Variants in FRMD4A observed in about 807,000 individuals in gnomAD.
FRMD4A encodes FERM domain-containing protein 4A.
A neutral mutation model predicts 129.1 loss-of-function variants in FRMD4A; 29 were observed. The ratio of observed to expected loss-of-function variants is 0.22; its 90% CI spans 0.17 to 0.31. The LOEUF (loss-of-function observed/expected upper bound fraction) is 0.31, where lower values mean the gene tolerates loss of function less well. Ranked by LOEUF, FRMD4A falls within the 10% of genes least tolerant of loss-of-function variation. FRMD4A has a pLI of 1.00. For missense variants in FRMD4A, 1,272 were observed against 1,375.8 expected, an observed-to-expected ratio of 0.92 and a Z score of 1.19; for synonymous variants, 634 against 571.6, an observed-to-expected ratio of 1.11 and a Z score of -1.56.
At chr10:14,121,702 C>T (rs183490617) in intron 2 of FRMD4A, among the ~76,000 whole-genome samples, 7 of 152,184 alleles carry the variant, frequency 4.6e-5, no homozygotes, top group Non-Finnish European at 1.0e-4. Context: ...TGAAAACCTG[C>T]ATCTCTCACA....
At chr10:13,840,434 C>T (rs551483105) in intron 3 of FRMD4A, among the ~76,000 whole-genome samples, 17 of 152,278 alleles carry the variant, frequency 1.1e-4, no homozygotes, top group African/African-American at 4.1e-4. Flanking sequence ...GGTGTTTAAG[C>T]CACCCAGTCT....
intron 2 of FRMD4A, among the ~76,000 whole-genome samples, chr10:14,169,378 C>T (rs556860815): frequency 6.6e-5 from 10 of 152,252 alleles, no homozygotes; most frequent in East Asian, 3.9e-4. Flanking sequence ...GGCTGTGACA[C>T]GCATAGCATT....
intron 2 of FRMD4A, among the ~76,000 whole-genome samples, chr10:14,113,253 CT>C (rs1174886686): frequency 3.3e-5 from 5 of 152,202 alleles, no homozygotes; most frequent in Non-Finnish European, 7.3e-5. Context: ...CGTGAATTTT[CT>C]TCTGCCTCTG....
chr10:14,130,431 A>C (rs748517424), intron 2 of FRMD4A, among the ~76,000 whole-genome samples: 7 of 152,068 alleles, frequency 4.6e-5, no homozygotes, highest in Non-Finnish European at 8.8e-5. Context: ...AGGCTAATTA[A>C]AAATTTTTTA....
At chr10:14,035,137 G>A (rs1833435806) in intron 2 of FRMD4A, among the ~76,000 whole-genome samples, 1 of 152,166 alleles carries the variant, frequency 6.6e-6, no homozygotes, top group African/African-American at 2.4e-5. Context: ...AATAGACTGG[G>A]CACGGTGGCT....
chr10:13,982,986 A>G (rs1185103235), intron 2 of FRMD4A, among the ~76,000 whole-genome samples: 1 of 151,840 alleles, frequency 6.6e-6, no homozygotes, highest in Non-Finnish European at 1.5e-5. Context: ...TCTTTTTTTG[A>G]GATGGGGTCT....
intron 17 of FRMD4A, among the ~76,000 whole-genome samples, chr10:13,669,127 C>A (rs1361032932): frequency 6.9e-6 from 1 of 145,630 alleles, no homozygotes; most frequent in Non-Finnish European, 1.5e-5. Context: ...AGTGGCGCAA[C>A]CTTGGCTCAC....
chr10:14,124,914 AC>A (rs1473133709), intron 2 of FRMD4A, among the ~76,000 whole-genome samples: 2 of 152,110 alleles, frequency 1.3e-5, no homozygotes, highest in African/African-American at 4.8e-5. Flanking sequence ...CCATGATAAC[AC>A]CCATGAGCAA....
intron 6 of FRMD4A, among the ~76,000 whole-genome samples, chr10:13,779,804 G>C (rs2092691413): frequency 6.9e-6 from 1 of 145,866 alleles, no homozygotes; most frequent in Admixed American, 6.8e-5. Flanking sequence ...AAAAAAAGCA[G>C]TGTCTATCTC....
intron 12 of FRMD4A, among the ~76,000 whole-genome samples, chr10:13,730,880 T>G (rs1307766997): frequency 1.5e-5 from 1 of 67,218 alleles, no homozygotes; most frequent in African/African-American, 4.8e-5. Flanking sequence ...AAAAAAAAAT[T>G]AGCCAGGCAT....
intron 2 of FRMD4A, among the ~76,000 whole-genome samples, chr10:14,028,364 T>C (rs1196291357): frequency 1.3e-5 from 2 of 152,252 alleles, no homozygotes; most frequent in East Asian, 1.9e-4. Flanking sequence ...ACATTATTTT[T>C]TCTTGGGAAA....
At chr10:14,037,484 C>T (rs1343960647) in intron 2 of FRMD4A, among the ~76,000 whole-genome samples, 3 of 152,218 alleles carry the variant, frequency 2.0e-5, no homozygotes, top group African/African-American at 7.2e-5. Context: ...TCTCAAAGTG[C>T]TGGGATTACA....
At chr10:14,116,645 A>G (rs1485957161) in intron 2 of FRMD4A, among the ~76,000 whole-genome samples, 1 of 152,120 alleles carries the variant, frequency 6.6e-6, no homozygotes, top group Admixed American at 6.5e-5. Context: ...CCACGGAGAG[A>G]CCCCATTTAT....
intron 2 of FRMD4A, among the ~76,000 whole-genome samples, chr10:14,115,858 A>G (rs780235739): frequency 2.0e-5 from 3 of 152,192 alleles, no homozygotes; most frequent in Non-Finnish European, 4.4e-5. Flanking sequence ...ACCCAGCCTC[A>G]GGTATCTCTT....
chr10:14,307,746 T>A (rs1259251005), intron 2 of FRMD4A, among the ~76,000 whole-genome samples: 1 of 152,210 alleles, frequency 6.6e-6, no homozygotes, highest in African/African-American at 2.4e-5. Flanking sequence ...ATTTATATGC[T>A]TTCTCAAGCA....
At chr10:14,012,401 G>A (rs935664054) in intron 2 of FRMD4A, among the ~76,000 whole-genome samples, 1 of 152,168 alleles carries the variant, frequency 6.6e-6, no homozygotes, top group Non-Finnish European at 1.5e-5. Flanking sequence ...AATCCATTGA[G>A]CCAGGTTTCA....
At chr10:14,209,886 C>T (rs957947949) in intron 2 of FRMD4A, among the ~76,000 whole-genome samples, 14 of 151,698 alleles carry the variant, frequency 9.2e-5, no homozygotes, top group Non-Finnish European at 1.8e-4. Flanking sequence ...AGACCCTGTC[C>T]CAAAAGAAAA....
intron 6 of FRMD4A, among the ~76,000 whole-genome samples, chr10:13,778,246 A>C (rs188528690): frequency 0.021 from 3,235 of 152,182 alleles, 117 homozygotes; most frequent in South Asian, 0.12. Flanking sequence ...TAAAAAAAAA[A>C]CCTGATACTC....
chr10:14,318,575 A>T (rs1487290664), intron 2 of FRMD4A, among the ~76,000 whole-genome samples: 1 of 150,268 alleles, frequency 6.7e-6, no homozygotes, highest in Admixed American at 6.7e-5. Context: ...TTTGGATGAA[A>T]ATCGGAAAAC....
Sources: allele counts gnomAD v4.1 joint callset (sites outside exome capture counted in the v4.1 genomes callset), GRCh38; gene constraint gnomAD v4.1.1; transcripts MANE v1.5; gene names NCBI Gene and HGNC (gene_info 2026-07-23, HGNC 2026-07-21).